The following SENP7 variants were observed in gnomAD, a reference collection of about 807,000 sequenced individuals.
SENP7 encodes the protein SUMO specific peptidase 7.
In SENP7, 64 loss-of-function variants were observed where a neutral mutation model predicts 141.2. That is an observed-to-expected ratio of 0.45 (90% CI 0.37 to 0.56). The LOEUF is 0.56. Ranked by LOEUF, SENP7 falls within the 20% of genes least tolerant of loss-of-function variation. The pLI is 0.00. For synonymous variants in SENP7, 382 were observed against 426.4 expected (o/e 0.90, Z 1.28); for missense variants, 1,025 against 1,212.2 (o/e 0.85, Z 2.29).
intron 4 of SENP7, among the ~76,000 whole-genome samples, chr3:101,441,774 T>C (rs778480452): frequency 2.6e-4 from 39 of 152,138 alleles, no homozygotes; most frequent in Non-Finnish European, 4.9e-4. Flanking sequence ...CTGGTGCTCA[T>C]ACATGCCACC....
intron 6 of SENP7, 134 bp downstream of exon 6, chr3:101,398,727 C>T (rs1490148749): frequency 4.6e-6 from 3 of 646,832 alleles, no homozygotes; most frequent in Admixed American, 3.4e-5. Flanking sequence ...TCCAGCCACC[C>T]GGGGAGAAAA....
At position 101,330,367 on chromosome 3, in the gene SENP7, A is replaced by C. The variant is rs764933731; in HGVS notation, c.2718T>G (p.Thr906=). The part of the protein sequence containing the change: ...NKTIDNDLRT[T]STLSLSAEDS... Reference sequence around the variant, plus strand: ...CCTCTGCACTCAAAGACAGTGTCGAAGTAGTACGTAGATCATTATCTAGTT... The same window carrying C: ...CCTCTGCACTCAAAGACAGTGTCGACGTAGTACGTAGATCATTATCTAGTT... Residue 906 remains threonine (T), a synonymous_variant, in exon 20 of 24, where the codon ACT becomes ACG. Coordinates refer to ENST00000394095, the MANE Select transcript of SENP7 (RefSeq NM_020654.5). 1 of 1,607,484 alleles carries C rather than the reference A, an allele frequency of 6.2e-7. No homozygotes were observed. Among genetic ancestry groups the C allele is most frequent in the Non-Finnish European group, 8.5e-7 (1 of 1,174,630 alleles).
Position 101,325,905 on chromosome 3 carries a change from A to T in SENP7, c.*38T>A. On this transcript the variant is annotated 3_prime_UTR_variant, in exon 24 of 24. Transcript: ENST00000394095. Reference sequence around the variant, plus strand: ...AATGCTGGTAAGAGGCTTTCCAGTAATCTTAGAGAACATCTGTGTCATGTT... The same window carrying T: ...AATGCTGGTAAGAGGCTTTCCAGTATTCTTAGAGAACATCTGTGTCATGTT... 1 of 1,524,598 alleles carries T rather than the reference A, an allele frequency of 6.6e-7. No individual in the cohort carries two copies. The highest frequency in any genetic ancestry group is 1.3e-5 in the South Asian group (1 of 76,116). 94.4% of individuals were successfully genotyped at this position (1,524,598 alleles called of 1,614,324 possible). A position where few individuals can be genotyped will look rare whatever the true frequency, so the allele number is the denominator to read the frequency against.
At chr3:101,340,408 ATTATC>A in intron 15 of SENP7, 197 bp from the exon 16 acceptor site, 1 of 610,304 alleles carries the variant, frequency 1.6e-6, no homozygotes, top group Non-Finnish European at 2.6e-6. Flanking sequence ...CCGATTGAGT[ATTATC>A]TTTTCTTTTC....
At chr3:101,423,742 C>T (rs2061859114) in intron 4 of SENP7, among the ~76,000 whole-genome samples, 1 of 152,106 alleles carries the variant, frequency 6.6e-6, no homozygotes, top group Non-Finnish European at 1.5e-5. Flanking sequence ...GGGAACCTTG[C>T]ACAGGCTTAC....
intron 11 of SENP7, among the ~76,000 whole-genome samples, chr3:101,354,501 T>C (rs2059688753): frequency 1.3e-5 from 2 of 152,108 alleles, no homozygotes; most frequent in Non-Finnish European, 2.9e-5. Context: ...ACTGAGAATA[T>C]GCGGTATTTG....
At chr3:101,363,132 G>C in intron 10 of SENP7, 1 of 927,808 alleles carries the variant, frequency 1.1e-6, no homozygotes, top group Non-Finnish European at 1.3e-6. Context: ...CCATTTACCT[G>C]CTTAATTGAA....
intron 4 of SENP7, among the ~76,000 whole-genome samples, chr3:101,453,125 T>A (rs944388089): frequency 6.6e-6 from 1 of 152,208 alleles, no homozygotes; most frequent in Non-Finnish European, 1.5e-5. Context: ...ATGCTCATCA[T>A]CAATGGCCAT....
rs1159864050 is a variant in SENP7 at position 101,348,016 on chromosome 3, T to G, written c.1693A>C (p.Thr565Pro). Reference sequence around the variant, plus strand: ...CATAACCCAAACCGCTTTAAATGTGTGGTATCCACTAGCAATGAAATCTCA... The same window carrying G: ...CATAACCCAAACCGCTTTAAATGTGGGGTATCCACTAGCAATGAAATCTCA... ...LNEISLLVDT[T>P]HLKRFGLWKS... is the part of the protein sequence containing the mutation. The change falls in exon 13 of 24, where the codon ACA becomes CCA. Residue 565 changes from threonine to proline, a missense_variant. Around this residue, in one of 4 missense-constraint regions of SENP7, gnomAD observed 228 missense variants for 228.5 expected, o/e 1.00. Coordinates refer to ENST00000394095, the MANE Select transcript of SENP7 (RefSeq NM_020654.5). 1 of 1,604,474 alleles carries G rather than the reference T, an allele frequency of 6.2e-7. No individual in the cohort carries two copies. Among genetic ancestry groups the G allele is most frequent in the Non-Finnish European group, 8.5e-7 (1 of 1,176,564 alleles).
chr3:101,339,094 A>G (rs1363202394), intron 16 of SENP7, among the ~76,000 whole-genome samples: 1 of 152,220 alleles, frequency 6.6e-6, no homozygotes, highest in Non-Finnish European at 1.5e-5. Context: ...ACTGTATTCC[A>G]TATGTTCAAA....
intron 3 of SENP7, among the ~76,000 whole-genome samples, chr3:101,461,715 G>T (rs2063553263): frequency 6.6e-6 from 1 of 152,060 alleles, no homozygotes. Flanking sequence ...ACAGATGCTT[G>T]TAGTTCATAG....
Position 101,361,807 on chromosome 3 carries a change from T to C in SENP7, c.1531A>G (p.Met511Val), listed in dbSNP as rs746544949. 5.6e-6 allele frequency: 9 copies of C among 1,608,554 alleles called. No individual in the cohort carries two copies. Among genetic ancestry groups the C allele is most frequent in the Non-Finnish European group, 7.6e-6 (9 of 1,178,108 alleles). The change falls in exon 11 of 24, where the codon ATG (methionine) becomes GTG (valine). Residue 511 changes from methionine to valine, a missense_variant. Coordinates refer to ENST00000394095, the MANE Select transcript of SENP7 (RefSeq NM_020654.5). The stretch of plus-strand genomic sequence containing the variant: ...TGTAGATCCATCTCATTACTAGGCA[T>C]AATACTGGAAATGTTCTCCATGACA... Reference protein sequence around the residue: ...NPVMENISSIMPSNEMDLQLD... With the variant: ...NPVMENISSIVPSNEMDLQLD...
Position 101,366,757 on chromosome 3 carries a change from C to G in SENP7, c.991G>C (p.Asp331His), listed in dbSNP as rs1423131456. 1 of 1,578,770 alleles carries G rather than the reference C, an allele frequency of 6.3e-7. No homozygotes were observed. Among genetic ancestry groups the G allele is most frequent in the Non-Finnish European group, 8.6e-7 (1 of 1,161,568 alleles). The part of the protein sequence containing the change: ...KSTEQTKKQE[D>H]DSTISTEFEK... ...AACTCAGTGGATATTGTTGAGTCAT[C>G]TTCTTGTTTTTTCTAAACATAAACA... The change falls in exon 9 of 24, where the codon GAT (aspartate) becomes CAT (histidine). Residue 331 changes from aspartate (D) to histidine (H), a missense_variant. By Grantham distance (81) the Asp-to-His change is moderately conservative. This residue lies in a region of SENP7 where 496 missense variants were observed against 503.5 expected (regional missense o/e 0.99). Transcript: ENST00000394095.
chr3:101,485,135 G>T (rs569421554), intron 3 of SENP7, among the ~76,000 whole-genome samples: 1 of 151,740 alleles, frequency 6.6e-6, no homozygotes, highest in East Asian at 1.9e-4. Context: ...GCTCAGACAC[G>T]CCTAGCCCCA....
chr3:101,426,636 T>C (rs1468983930), intron 4 of SENP7, among the ~76,000 whole-genome samples: 4 of 151,928 alleles, frequency 2.6e-5, no homozygotes, highest in African/African-American at 9.7e-5. Context: ...CCCACCACCA[T>C]GCCCAGCTAA....
intron 11 of SENP7, chr3:101,358,048 C>T: frequency 1.5e-6 from 1 of 655,084 alleles, no homozygotes; most frequent in Non-Finnish European, 2.4e-6. Flanking sequence ...TCATTTCATC[C>T]TCAACCCTTA....
intron 13 of SENP7, 151 bp downstream of exon 13, chr3:101,347,721 C>CAAAAA (rs11389959): frequency 4.7e-5 from 13 of 275,146 alleles, no homozygotes; most frequent in African/African-American, 3.8e-4. Flanking sequence ...GACTCCATCT[C>CAAAAA]AAAAAAAAAA....
chr3:101,438,403 A>G (rs2107751792), intron 4 of SENP7, among the ~76,000 whole-genome samples: 1 of 152,342 alleles, frequency 6.6e-6, no homozygotes, highest in Non-Finnish European at 1.5e-5. Context: ...ACTGGTGGTC[A>G]TAAGGGGAAT....
At chr3:101,341,572 T>C (rs1376956453) in intron 15 of SENP7, 74 bp downstream of exon 15, 3 of 1,259,790 alleles carry the variant, frequency 2.4e-6, no homozygotes, top group Non-Finnish European at 3.2e-6. Flanking sequence ...AAAGTTAAAC[T>C]ACTGAAAAGC....
Sources: gnomAD v4.1 joint callset for allele counts (sites outside exome capture counted in the v4.1 genomes callset) on GRCh38, gnomAD v4.1.1 for gene constraint, gnomAD v4.1.1 regional missense constraint, MANE v1.5 for transcripts, NCBI Gene and HGNC (gene_info 2026-07-23, HGNC 2026-07-21) for gene names.